Variants in UGT1A8 observed in about 807,000 individuals in gnomAD.
UGT1A8 encodes the protein UDP-glucuronosyltransferase 1A8.
UGT1A8 carries 39 observed loss-of-function variants against 45.3 expected under a neutral mutation model. The ratio of observed to expected loss-of-function variants is 0.86; its 90% confidence interval spans 0.67 to 1.12. The LOEUF (loss-of-function observed/expected upper bound fraction) is 1.12, where lower values mean the gene tolerates loss of function less well. Ranked by LOEUF, UGT1A8 falls within the 50% of genes most tolerant of loss-of-function variation. UGT1A8 has a pLI of 0.00. For missense variants in UGT1A8, 719 were observed against 664.9 expected (o/e 1.08, Z -0.90); for synonymous variants, 275 against 249.2 (o/e 1.10, Z -0.97).
rs1257445650 is a variant in UGT1A8, at chr2:233,733,217, A to G, written c.856-33817A>G. Among the ~76,000 whole-genome samples, 5 of 152,274 alleles carry G rather than the reference A, an allele frequency of 3.3e-5. 1 individual carries two copies. The highest frequency in any genetic ancestry group is 2.0e-4 in the Admixed American group (3 of 15,300). On this transcript the variant is annotated intron_variant, in intron 1 of 4. Coordinates refer to ENST00000373450, the MANE Select transcript of UGT1A8 (RefSeq NM_019076.5). ...CTTAAGGAGACTTTGGGCTGAGACA[A>G]TGGGGTTTTCTAAATATACAATCAT...
chr2:233,640,595 C>A (rs962373465), intron 1 of UGT1A8, among the ~76,000 whole-genome samples: 3 of 152,066 alleles, frequency 2.0e-5, no homozygotes, highest in Admixed American at 6.5e-5. Context: ...TGAGTAAGTT[C>A]CAAATTTTAT....
chr2:233,759,046 C>T (rs1422861422), intron 1 of UGT1A8, among the ~76,000 whole-genome samples: 1 of 152,150 alleles, frequency 6.6e-6, no homozygotes, highest in Non-Finnish European at 1.5e-5. Flanking sequence ...CTGTTGTGAA[C>T]AAAAGTTCTC....
intron 1 of UGT1A8, among the ~76,000 whole-genome samples, chr2:233,655,093 A>G (rs17863770): frequency 0.026 from 3,944 of 152,314 alleles, 59 homozygotes; most frequent in Middle Eastern, 0.065. Context: ...TCTCTCAAAA[A>G]AAAGAAAGAA....
intron 1 of UGT1A8, among the ~76,000 whole-genome samples, chr2:233,751,757 T>C (rs763533308): frequency 6.6e-6 from 1 of 152,222 alleles, no homozygotes; most frequent in Non-Finnish European, 1.5e-5. Flanking sequence ...CTTGCTGCCA[T>C]GTGAGACATG....
At chr2:233,671,742 T>C (rs1305793766) in intron 1 of UGT1A8, 1 of 1,242,124 alleles carries the variant, frequency 8.1e-7, no homozygotes, top group Non-Finnish European at 1.1e-6. Flanking sequence ...AACATACAAA[T>C]AGATATCTCA....
chr2:233,676,843 C>T (rs889198300), intron 1 of UGT1A8, among the ~76,000 whole-genome samples: 2 of 152,144 alleles, frequency 1.3e-5, no homozygotes, highest in Non-Finnish European at 2.9e-5. Context: ...ACCTTTTCTC[C>T]ACTGCATTGC....
rs2126030402 is a variant in UGT1A8 at position 233,767,100 on chromosome 2, G to A, written c.922G>A (p.Val308Ile). 1 of 1,614,092 alleles carries A rather than the reference G, an allele frequency of 6.2e-7. No homozygotes were observed. The highest frequency in any genetic ancestry group is 8.5e-7 in the Non-Finnish European group (1 of 1,180,010). Residue 308 changes from valine to isoleucine, a missense_variant, in exon 2 of 5, where the codon GTC (valine) becomes ATC (isoleucine). Val to Ile is a conservative substitution (Grantham distance 29). Coordinates refer to ENST00000373450, the MANE Select transcript of UGT1A8 (RefSeq NM_019076.5). ...TGTGGTTTTCTCTTTGGGATCAATGGTCTCAGAAATTCCAGAGAAGAAAGC... is the reference window on the plus strand; with the variant it reads ...TGTGGTTTTCTCTTTGGGATCAATGATCTCAGAAATTCCAGAGAAGAAAGC... The part of the protein sequence containing the change: ...GIVVFSLGSM[V>I]SEIPEKKAMA...
At chr2:233,766,582 G>A (rs1699191924) in intron 1 of UGT1A8, among the ~76,000 whole-genome samples, 1 of 152,174 alleles carries the variant, frequency 6.6e-6, no homozygotes, top group South Asian at 2.1e-4. Context: ...GTCTGGGGGT[G>A]GAGCCCTCGC....
chr2:233,724,290 G>C (rs2077209364), intron 1 of UGT1A8, among the ~76,000 whole-genome samples: 1 of 136,792 alleles, frequency 7.3e-6, no homozygotes, highest in African/African-American at 2.8e-5. Flanking sequence ...GCGGGGGGCT[G>C]ACCCCCCCAC....
rs544391179 is a variant in UGT1A8 at position 233,657,428 on chromosome 2, T to C, written c.855+38866T>C. On this transcript the variant is annotated intron_variant, in intron 1 of 4. Coordinates refer to ENST00000373450, the MANE Select transcript of UGT1A8 (RefSeq NM_019076.5). ...GGCAGAAGGTGAATGTGGAAGGTGC[T>C]GATCACAAGGTGAGAAAGAAGCAAG... 2.0e-5 allele frequency among the ~76,000 whole-genome samples: 3 copies of C among 152,322 alleles called. No individual in the cohort carries two copies. In the East Asian group the frequency reaches 5.8e-4, roughly 29 times the overall value.
intron 1 of UGT1A8, among the ~76,000 whole-genome samples, chr2:233,626,241 A>T (rs896478962): frequency 1.3e-5 from 2 of 152,034 alleles, no homozygotes; most frequent in African/African-American, 2.4e-5. Flanking sequence ...TTCATGTTGT[A>T]ATAGAAGTCA....
chr2:233,734,126 AG>A (rs1325771247), intron 1 of UGT1A8, among the ~76,000 whole-genome samples: 3 of 151,608 alleles, frequency 2.0e-5, no homozygotes, highest in Non-Finnish European at 4.4e-5. Context: ...AATAATAAAA[AG>A]AATTTGGCTG....
In UGT1A8 at chr2:233,725,047, C is replaced by T. The variant is rs528406821; in HGVS notation, c.856-41987C>T. ...CCGGTCTCCACCAAAACCAGTCAGG[C>T]GTGGCGGCGCGCGCCTGCAATCGCA... On this transcript the variant is annotated intron_variant, in intron 1 of 4. Transcript: ENST00000373450. 6.6e-4 allele frequency among the ~76,000 whole-genome samples: 97 copies of T among 147,932 alleles called. 5 individuals carry two copies. The highest frequency in any genetic ancestry group is 9.2e-4 in the South Asian group (4 of 4,340).
intron 1 of UGT1A8, among the ~76,000 whole-genome samples, chr2:233,735,232 C>A (rs1233403714): frequency 6.6e-6 from 1 of 152,064 alleles, no homozygotes; most frequent in Admixed American, 6.5e-5. Context: ...GGATAGTTAG[C>A]TCTTGTTGTT....
intron 1 of UGT1A8, among the ~76,000 whole-genome samples, chr2:233,721,093 C>G (rs2076921307): frequency 6.6e-6 from 1 of 151,954 alleles, no homozygotes; most frequent in Admixed American, 6.6e-5. Flanking sequence ...GAGTTTAGGT[C>G]CTTTGTATTC....
At chr2:233,629,837 T>A (rs746562567) in intron 1 of UGT1A8, among the ~76,000 whole-genome samples, 13 of 152,158 alleles carry the variant, frequency 8.5e-5, no homozygotes, top group Non-Finnish European at 1.6e-4. Context: ...ATGCATTTAT[T>A]CTTGTGACAA....
At chr2:233,724,379 C>G (rs1274419342) in intron 1 of UGT1A8, among the ~76,000 whole-genome samples, 1 of 145,692 alleles carries the variant, frequency 6.9e-6, no homozygotes, top group South Asian at 2.4e-4. Context: ...GGCTGCCGGG[C>G]GGAGACGCTC....
intron 2 of UGT1A8, 150 bp from the exon 3 acceptor site, chr2:233,767,699 A>G: frequency 1.3e-6 from 2 of 1,502,404 alleles, no homozygotes; most frequent in Non-Finnish European, 1.8e-6. Context: ...GGAAGTTGCC[A>G]GTCCTCAGAA....
chr2:233,701,555 C>T (rs1220931123), intron 1 of UGT1A8, among the ~76,000 whole-genome samples: 1 of 152,122 alleles, frequency 6.6e-6, no homozygotes, highest in African/African-American at 2.4e-5. Context: ...TTTTCAGCAC[C>T]ACACCACACC....
Sources: gnomAD v4.1 joint callset for allele counts (sites outside exome capture counted in the v4.1 genomes callset) on GRCh38, gnomAD v4.1.1 for gene constraint, MANE v1.5 for transcripts, NCBI Gene and HGNC (gene_info 2026-07-23, HGNC 2026-07-21) for gene names.